PCDH15: variants seen among roughly 807,000 people sequenced by gnomAD.
PCDH15 encodes protocadherin-15.
A neutral mutation model predicts 178.5 loss-of-function variants in PCDH15; 129 were observed. The ratio of observed to expected loss-of-function variants is 0.72; its 90% CI spans 0.63 to 0.84. The LOEUF (loss-of-function observed/expected upper bound fraction) is 0.84, where lower values mean the gene tolerates loss of function less well. Among genes scored for constraint, PCDH15 ranks in the 40% least tolerant of loss-of-function variants. PCDH15 has a pLI of 0.00. For synonymous variants in PCDH15, 800 were observed against 732.0 expected (o/e 1.09, Z -1.50); for missense variants, 2,230 against 2,099.9 (o/e 1.06, Z -1.21).
chr10:53,838,260 C>T (rs142657853), intron 29 of PCDH15, among the ~76,000 whole-genome samples: 1,971 of 152,216 alleles, frequency 0.013, 59 homozygotes, highest in African/African-American at 0.045. Flanking sequence ...CAGGCGTGAG[C>T]TACCGCGCCC....
intron 21 of PCDH15, among the ~76,000 whole-genome samples, chr10:53,962,559 C>G (rs563148766): frequency 6.6e-6 from 1 of 152,076 alleles, no homozygotes; most frequent in Non-Finnish European, 1.5e-5. Context: ...AAGTTAATGA[C>G]GCTAACAATT....
intron 15 of PCDH15, among the ~76,000 whole-genome samples, chr10:54,102,558 C>A (rs2094831877): frequency 6.6e-6 from 1 of 152,098 alleles, no homozygotes; most frequent in Non-Finnish European, 1.5e-5. Context: ...TGATTACCAC[C>A]CCTGTAGCTT....
At chr10:54,805,352 A>G (rs1330760879), upstream of PCDH15, among the ~76,000 whole-genome samples, 1 of 152,092 alleles carries the variant, frequency 6.6e-6, no homozygotes, top group Non-Finnish European at 1.5e-5. Flanking sequence ...TGTCTCACCA[A>G]ATTGCCTGGG....
intron 3 of PCDH15, among the ~76,000 whole-genome samples, chr10:54,807,282 T>C (rs979631859): frequency 3.3e-5 from 5 of 152,196 alleles, no homozygotes; most frequent in African/African-American, 1.2e-4. Context: ...TATGTAAAAT[T>C]ATACATAATT....
Position 54,811,779 on chromosome 10 carries a change from A to G in PCDH15, c.-29+85671T>C, listed in dbSNP as rs1167276782. Among the ~76,000 whole-genome samples the G allele has an allele frequency of 2.0e-5, 3 of 152,280 alleles. No individual in the cohort carries two copies. The East Asian group carries it at 5.8e-4, about 29-fold the overall frequency. On this transcript the variant is annotated intron_variant, in intron 3 of 5. Coordinates refer to the PCDH15 transcript ENST00000458638. ...CCACCGCACCTGGCCAGTTATAGCT[A>G]AATAACTATATTTTAATAATCTATT...
intron 15 of PCDH15, among the ~76,000 whole-genome samples, chr10:54,109,738 C>A (rs1252765511): frequency 6.6e-6 from 1 of 151,704 alleles, no homozygotes; most frequent in Admixed American, 6.6e-5. Flanking sequence ...TTAATGGGTA[C>A]AAAACATAGT....
intron 17 of PCDH15, among the ~76,000 whole-genome samples, chr10:54,072,653 G>A (rs1458780405): frequency 2.0e-5 from 3 of 152,060 alleles, no homozygotes; most frequent in Admixed American, 6.6e-5. Context: ...GGAAGAAGGG[G>A]GAAATGATGA....
At chr10:54,415,779 TAAACAAAAA>T (rs66567630) in intron 3 of PCDH15, among the ~76,000 whole-genome samples, 71,475 of 151,550 alleles carry the variant, frequency 0.47, 17,571 homozygotes, top group Non-Finnish European at 0.53. Context: ...TTTATTGACA[TAAACAAAAA>T]TGACAAAATG....
chr10:55,345,239 C>A (rs1190765835), intron 2 of PCDH15, among the ~76,000 whole-genome samples: 1 of 145,532 alleles, frequency 6.9e-6, no homozygotes, highest in Non-Finnish European at 1.5e-5. Flanking sequence ...TCAACATTTT[C>A]AGGAAAATTC....
chr10:55,388,007 T>G (rs1233364870), intron 2 of PCDH15, among the ~76,000 whole-genome samples: 1 of 152,098 alleles, frequency 6.6e-6, no homozygotes, highest in African/African-American at 2.4e-5. Flanking sequence ...AATATTTGAT[T>G]ACAAAATGAA....
At chr10:55,625,152 T>C (rs1837497729) in intron 2 of PCDH15, among the ~76,000 whole-genome samples, 1 of 152,144 alleles carries the variant, frequency 6.6e-6, no homozygotes, top group Non-Finnish European at 1.5e-5. Flanking sequence ...CTTAAGATTT[T>C]AATAATGCTG....
At chr10:54,435,997 AAAAGAAGAGG>A (rs1486549658) in intron 3 of PCDH15, among the ~76,000 whole-genome samples, 117 of 97,114 alleles carry the variant, frequency 1.2e-3, no homozygotes, top group Admixed American at 2.8e-3. Flanking sequence ...AAAAGAAAAG[AAAAGAAGAGG>A]AGAGGAGAGG....
intron 2 of PCDH15, among the ~76,000 whole-genome samples, chr10:54,602,164 G>T (rs914737404): frequency 1.3e-5 from 2 of 151,742 alleles, no homozygotes; most frequent in Admixed American, 1.3e-4. Context: ...GTTGTATTTT[G>T]CAAAAAGTAA....
intron 2 of PCDH15, chr10:54,619,468 G>A (rs2093287440): frequency 6.6e-6 from 1 of 152,058 alleles, no homozygotes; most frequent in Non-Finnish European, 1.5e-5. Context: ...ATTACATCTA[G>A]TGATACTGAT....
intron 2 of PCDH15, among the ~76,000 whole-genome samples, chr10:55,000,672 T>C (rs975686523): frequency 6.6e-5 from 10 of 152,212 alleles, no homozygotes; most frequent in African/African-American, 2.2e-4. Context: ...TGTTCAGAGA[T>C]TGCAGTAAAG....
intron 2 of PCDH15, among the ~76,000 whole-genome samples, chr10:54,576,262 T>G (rs1930155): frequency 0.94 from 142,478 of 152,218 alleles, 66,960 homozygotes; most frequent in Middle Eastern, 0.98. Flanking sequence ...AGTTATTAAG[T>G]ATAAGTTTTC....
intron 2 of PCDH15, among the ~76,000 whole-genome samples, chr10:55,401,294 T>A (rs1369138675): frequency 6.6e-6 from 1 of 152,096 alleles, no homozygotes; most frequent in African/African-American, 2.4e-5. Context: ...ATGATAAGAC[T>A]ATCTGCCTGG....
intron 3 of PCDH15, among the ~76,000 whole-genome samples, chr10:54,820,563 GC>G (rs1417753505): frequency 2.0e-5 from 3 of 151,916 alleles, no homozygotes; most frequent in Non-Finnish European, 4.4e-5. Flanking sequence ...GACTTTATAA[GC>G]TTTTTATTAC....
At chr10:54,077,071 ATATAAG>A (rs1369386241) in intron 17 of PCDH15, among the ~76,000 whole-genome samples, 2 of 152,166 alleles carry the variant, frequency 1.3e-5, no homozygotes, top group African/African-American at 4.8e-5. Flanking sequence ...GTATGCCTAC[ATATAAG>A]TATATCCGTA....
Sources: allele counts gnomAD v4.1 joint callset (sites outside exome capture counted in the v4.1 genomes callset), GRCh38; gene constraint gnomAD v4.1.1; transcripts MANE v1.5; gene names NCBI Gene and HGNC (gene_info 2026-07-23, HGNC 2026-07-21).